The following PRDM1 variants were observed in gnomAD, a reference collection of about 807,000 sequenced individuals.
PRDM1 encodes the protein PR/SET domain 1.
A neutral mutation model predicts 62.8 loss-of-function variants in PRDM1; 13 were observed. The observed-to-expected ratio is 0.21, with a 90% CI of 0.13 to 0.33. The LOEUF (loss-of-function observed/expected upper bound fraction) is 0.33, where lower values mean the gene tolerates loss of function less well. PRDM1 is among the 10% of genes least tolerant of loss of function. The pLI is 1.00. For synonymous variants in PRDM1, 396 were observed against 417.6 expected (o/e 0.95, Z 0.63); for missense variants, 895 against 1,058.8 (o/e 0.85, Z 2.15).
chr6:106,088,311 G>A lies in PRDM1; in HGVS notation c.153G>A (p.Glu51=), dbSNP rs751271681. The A allele has an allele frequency of 5.0e-6, 8 of 1,614,174 alleles. No individual in the cohort carries two copies. The highest frequency in any genetic ancestry group is 1.6e-4 in the Middle Eastern group (1 of 6,062). The change falls in exon 2 of 7, where the codon GAG becomes GAA. Residue 51 remains glutamate (E), a synonymous_variant. Coordinates refer to ENST00000369096, the MANE Select transcript of PRDM1 (RefSeq NM_001198.4). ...ATGCGGATATGACTCTGTGGACAGA[G>A]GCTGAGTTTGAAGAGAAGTGTACAT... ...MEDADMTLWT[E]AEFEEKCTYI... is the part of the protein sequence containing the mutation.
At chr6:106,004,863 C>T (rs1772465507) in intron 1 of PRDM1, among the ~76,000 whole-genome samples, 1 of 152,020 alleles carries the variant, frequency 6.6e-6, no homozygotes, top group African/African-American at 2.4e-5. Flanking sequence ...AAAATGTATC[C>T]TTATCAGTTT....
intron 1 of PRDM1, among the ~76,000 whole-genome samples, chr6:106,057,995 G>A (rs1004164869): frequency 3.9e-5 from 6 of 152,128 alleles, no homozygotes; most frequent in Admixed American, 1.3e-4. Context: ...ATTTGGGCAG[G>A]GGCACCACTT....
At position 106,030,632 on chromosome 6, in the gene PRDM1, T is replaced by G. The variant is rs116202776; in HGVS notation, c.-67+36993T>G. Among the ~76,000 whole-genome samples, 973 of 152,320 alleles carry G rather than the reference T, an allele frequency of 6.4e-3. 14 individuals are homozygous for G. Among genetic ancestry groups the G allele is most frequent in the African/African-American group, 0.022 (912 of 41,572 alleles). Reference sequence around the variant, plus strand: ...GTCCAAGGTTGTAAATATATTTTCTTACATTTTCTTATGGCAGTTTCATAG... The same window carrying G: ...GTCCAAGGTTGTAAATATATTTTCTGACATTTTCTTATGGCAGTTTCATAG... On this transcript the variant is annotated intron_variant, in intron 1 of 6. Transcript: ENST00000652320.
intron 1 of PRDM1, among the ~76,000 whole-genome samples, chr6:106,077,272 G>A (rs574797982): frequency 6.6e-6 from 1 of 152,050 alleles, no homozygotes; most frequent in Admixed American, 6.6e-5. Flanking sequence ...ATCAACCATC[G>A]ATCACACCAC....
intron 1 of PRDM1, among the ~76,000 whole-genome samples, chr6:106,074,675 G>T (rs918789675): frequency 2.4e-4 from 37 of 151,994 alleles, no homozygotes; most frequent in African/African-American, 8.7e-4. Flanking sequence ...GGACGAGGGG[G>T]GATATAAATA....
intron 1 of PRDM1, among the ~76,000 whole-genome samples, chr6:106,080,056 C>T (rs915615787): frequency 6.6e-6 from 1 of 152,150 alleles, no homozygotes; most frequent in East Asian, 1.9e-4. Context: ...CAGGTAGGCG[C>T]CAAATTGGCA....
intron 1 of PRDM1, among the ~76,000 whole-genome samples, chr6:106,071,392 T>TAC (rs1430723900): frequency 1.3e-5 from 2 of 152,198 alleles, no homozygotes; most frequent in South Asian, 2.1e-4. Flanking sequence ...TATATATATA[T>TAC]ATACACACAC....
intron 1 of PRDM1, among the ~76,000 whole-genome samples, chr6:106,011,699 C>T (rs558218783): frequency 6.6e-6 from 1 of 152,126 alleles, no homozygotes; most frequent in South Asian, 2.1e-4. Flanking sequence ...GTGGTATTGC[C>T]AAAGCGGGTG....
At chr6:106,011,568 G>T (rs978002594) in intron 1 of PRDM1, among the ~76,000 whole-genome samples, 3 of 152,058 alleles carry the variant, frequency 2.0e-5, no homozygotes, top group Admixed American at 6.5e-5. Context: ...CTCCCTGAGG[G>T]CAGTGCCCAG....
chr6:106,096,669 C>G (rs969959803), intron 3 of PRDM1, among the ~76,000 whole-genome samples: 1 of 152,164 alleles, frequency 6.6e-6, no homozygotes, highest in East Asian at 1.9e-4. Flanking sequence ...ACCAAAAGAT[C>G]TAGCCAGTAC....
Position 106,105,161 on chromosome 6 carries a change from C to T in PRDM1, c.1001C>T (p.Thr334Ile). 6.2e-7 allele frequency: 1 copy of T among 1,613,180 alleles called. No individual in the cohort carries two copies. The highest frequency in any genetic ancestry group is 8.5e-7 in the Non-Finnish European group (1 of 1,179,656). ...CGCTCCCCCATTCCATCCTCCACCA[C>T]TCCAAGCCCCTCTGCAAGAAGCAGC... ...ITRSPIPSST[T>I]PSPSARSSPD... Residue 334 changes from threonine (T) to isoleucine (I), a missense_variant, in exon 5 of 7, where the codon ACT becomes ATT. Transcript: ENST00000369096.
At chr6:106,016,107 T>C (rs1164461421) in intron 1 of PRDM1, among the ~76,000 whole-genome samples, 2 of 152,244 alleles carry the variant, frequency 1.3e-5, no homozygotes, top group East Asian at 1.9e-4. Context: ...TCACTTAGCA[T>C]AGCATAATGT....
intron 1 of PRDM1, among the ~76,000 whole-genome samples, chr6:106,011,528 A>T (rs1008002882): frequency 6.6e-6 from 1 of 152,062 alleles, no homozygotes; most frequent in African/African-American, 2.4e-5. Context: ...AAGCCTTGGG[A>T]GTGTGAGGAG....
At chr6:106,011,994 T>C (rs1311136544) in intron 1 of PRDM1, among the ~76,000 whole-genome samples, 70 of 68,452 alleles carry the variant, frequency 1.0e-3, no homozygotes, top group African/African-American at 1.8e-3. Flanking sequence ...CACACCACAC[T>C]CCTCCACATT....
At chr6:105,995,645 C>T (rs1439451799) in intron 1 of PRDM1, among the ~76,000 whole-genome samples, 2 of 152,120 alleles carry the variant, frequency 1.3e-5, no homozygotes, top group Non-Finnish European at 2.9e-5. Context: ...CTGAAAGCCT[C>T]TTTCTCCCAG....
At chr6:106,007,227 C>T (rs567250842) in intron 1 of PRDM1, among the ~76,000 whole-genome samples, 21 of 151,854 alleles carry the variant, frequency 1.4e-4, no homozygotes, top group African/African-American at 3.9e-4. Flanking sequence ...GTCAGGAGTT[C>T]GAGACTTGCC....
At chr6:106,028,482 A>T (rs754373644) in intron 1 of PRDM1, among the ~76,000 whole-genome samples, 26 of 152,238 alleles carry the variant, frequency 1.7e-4, no homozygotes, top group Non-Finnish European at 3.5e-4. Flanking sequence ...GGTTAAATAA[A>T]TCAGAGTATA....
In PRDM1 at chr6:106,105,466, A is replaced by G. The variant is rs587778625; in HGVS notation, c.1306A>G (p.Asn436Asp). The G allele has an allele frequency of 2.5e-6, 4 of 1,613,744 alleles. No individual in the cohort carries two copies. Among genetic ancestry groups the G allele is most frequent in the Admixed American group, 1.7e-5 (1 of 59,988 alleles). Reference sequence around the variant, plus strand: ...TGTGAGCAGCATGAATGGCATCAACAACTTTGGCCTCTTCCCGAGGCTGTG... The same window carrying G: ...TGTGAGCAGCATGAATGGCATCAACGACTTTGGCCTCTTCCCGAGGCTGTG... Reference protein sequence around the residue: ...SAVSSMNGINNFGLFPRLCPV... With the variant: ...SAVSSMNGINDFGLFPRLCPV... The change falls in exon 5 of 7, where the codon AAC becomes GAC. Residue 436 changes from asparagine (N) to aspartate (D), a missense_variant. Transcript: ENST00000369096.
At chr6:105,997,098 T>C (rs1367383011) in intron 1 of PRDM1, among the ~76,000 whole-genome samples, 1 of 152,226 alleles carries the variant, frequency 6.6e-6, no homozygotes, top group Non-Finnish European at 1.5e-5. Context: ...CAAATGTGTA[T>C]TGAGCACATA....
Sources: gnomAD v4.1 joint callset for allele counts (sites outside exome capture counted in the v4.1 genomes callset) on GRCh38, gnomAD v4.1.1 for gene constraint, MANE v1.5 for transcripts, NCBI Gene and HGNC (gene_info 2026-07-23, HGNC 2026-07-21) for gene names.